Variants in TIAM1 observed in about 807,000 individuals in gnomAD.
TIAM1 encodes the protein rho guanine nucleotide exchange factor TIAM1.
A neutral mutation model predicts 163.5 loss-of-function variants in TIAM1; 65 were observed. The ratio of observed to expected loss-of-function variants is 0.40; its 90% CI spans 0.33 to 0.49. The LOEUF (loss-of-function observed/expected upper bound fraction) is 0.49. TIAM1 is among the 20% of genes least tolerant of loss of function. The pLI is 0.77. For synonymous variants in TIAM1, 833 were observed against 810.1 expected, an observed-to-expected ratio of 1.03 and a Z score of -0.48; for missense variants, 1,789 against 2,044.7, an observed-to-expected ratio of 0.87 and a Z score of 2.41.
In TIAM1 at chr21:31,351,355, T is replaced by A. The variant is rs544638149; in HGVS notation, c.-368-11933A>T. Among the ~76,000 whole-genome samples the A allele has an allele frequency of 3.9e-5, 6 of 152,310 alleles. No homozygotes were observed. In the East Asian group the frequency reaches 9.6e-4, roughly 24 times the overall value. On this transcript the variant is annotated intron_variant, in intron 2 of 28. Coordinates refer to the TIAM1 transcript ENST00000286827. ...CTTGCTGTATGTTCCACTCAATTAT[T>A]ACCTCCTTTAAAAAATATGTCCATA...
chr21:31,518,598 T>G (rs1281261068), intron 1 of TIAM1, among the ~76,000 whole-genome samples: 22 of 152,078 alleles, frequency 1.4e-4, no homozygotes, highest in Admixed American at 1.4e-3. Context: ...TAAATGAGTG[T>G]TTTTTAAGCT....
chr21:31,197,048 G>A (rs1184618197), intron 12 of TIAM1, among the ~76,000 whole-genome samples: 1 of 152,116 alleles, frequency 6.6e-6, no homozygotes, highest in Non-Finnish European at 1.5e-5. Flanking sequence ...AGTACTCATG[G>A]ACATAAAAAT....
At chr21:31,199,294 G>GCCCA (rs2086058961) in intron 12 of TIAM1, among the ~76,000 whole-genome samples, 1 of 152,048 alleles carries the variant, frequency 6.6e-6, no homozygotes, top group African/African-American at 2.4e-5. Flanking sequence ...TGCCCTATGG[G>GCCCA]CCCACTCATC....
intron 2 of TIAM1, among the ~76,000 whole-genome samples, chr21:31,354,868 A>G (rs1296693858): frequency 6.6e-6 from 1 of 152,156 alleles, no homozygotes; most frequent in Non-Finnish European, 1.5e-5. Context: ...CCCAGCTGAC[A>G]ATCCTTGCTG....
At chr21:31,281,555 A>C (rs1182674647) in intron 2 of TIAM1, among the ~76,000 whole-genome samples, 1 of 152,220 alleles carries the variant, frequency 6.6e-6, no homozygotes, top group East Asian at 1.9e-4. Context: ...TCAAAATCCT[A>C]AACATGTATT....
rs544667291 is a variant in TIAM1, at chr21:31,223,339, G to T, written c.1995+67C>A. On this transcript the variant is annotated intron_variant, in intron 8 of 27. Coordinates refer to ENST00000541036, the MANE Select transcript of TIAM1 (RefSeq NM_001353694.2). ...CTCGAAAAACACTTAGGAGACTCTT[G>T]TCAAGTCCTGCTCAGGATTAAGCGT... is the stretch of plus-strand genomic sequence containing the variant. The T allele has an allele frequency of 2.9e-5, 44 of 1,496,066 alleles. 1 individual carries two copies. In the South Asian group the frequency reaches 5.7e-4, roughly 19 times the overall value. The allele number at this position is 1,496,066 out of a possible 1,614,324, so 92.7% of individuals were successfully genotyped here. A position where few individuals can be genotyped will look rare whatever the true frequency, so the allele number is the denominator to read the frequency against.
In TIAM1 at chr21:31,252,009, C is replaced by T. The variant is rs759037691; in HGVS notation, c.1144G>A (p.Gly382Arg). 2.5e-6 allele frequency: 4 copies of T among 1,614,020 alleles called. No individual in the cohort carries two copies. Among genetic ancestry groups the T allele is most frequent in the Non-Finnish European group, 2.5e-6 (3 of 1,179,968 alleles). Reference protein sequence around the residue: ...SSSTGDAARQGVYENFRRELE... With the variant: ...SSSTGDAARQRVYENFRRELE... Reference sequence around the variant, plus strand: ...TCCCGCCGGAAGTTCTCGTACACCCCCTGACGAGCCGCATCCCCGGTGGAG... The same window carrying T: ...TCCCGCCGGAAGTTCTCGTACACCCTCTGACGAGCCGCATCCCCGGTGGAG... The change falls in exon 5 of 28, where the codon GGG becomes AGG. Residue 382 changes from glycine to arginine, a missense_variant. By Grantham distance (125) the Gly-to-Arg change is moderately radical. This residue lies in a region of TIAM1 where 555 missense variants were observed against 564.9 expected (regional missense o/e 0.98). Transcript: ENST00000541036.
At chr21:31,403,622 C>A (rs2077201669) in intron 2 of TIAM1, among the ~76,000 whole-genome samples, 1 of 152,064 alleles carries the variant, frequency 6.6e-6, no homozygotes. Context: ...AAATAATCTA[C>A]CATGGATTCA....
chr21:31,533,740 T>C (rs968411458), intron 1 of TIAM1, among the ~76,000 whole-genome samples: 3 of 152,050 alleles, frequency 2.0e-5, no homozygotes, highest in African/African-American at 7.2e-5. Flanking sequence ...TCTAAAAAAA[T>C]AAAATAAAAA....
chr21:31,495,696 G>A (rs1041544347), intron 1 of TIAM1, among the ~76,000 whole-genome samples: 8 of 152,228 alleles, frequency 5.3e-5, no homozygotes, highest in South Asian at 4.1e-4. Context: ...GAGGCCAGGC[G>A]CAGTGGCTCA....
rs944835774 is a variant in TIAM1 at position 31,296,105 on chromosome 21, G to A, written c.-188-19197C>T. 1.5e-4 allele frequency among the ~76,000 whole-genome samples: 23 copies of A among 152,068 alleles called. 1 individual carries two copies. Among genetic ancestry groups the A allele is most frequent in the East Asian group, 5.8e-4 (3 of 5,172 alleles). On this transcript the variant is annotated intron_variant, in intron 2 of 27. Transcript: ENST00000541036. ...TGAGCCACCGCACCCGGCCAACTCC[G>A]AATTTTTAACCTGGATTTGATGATT...
chr21:31,183,656 C>T (rs188184605), intron 14 of TIAM1, among the ~76,000 whole-genome samples: 36 of 152,218 alleles, frequency 2.4e-4, no homozygotes, highest in African/African-American at 8.7e-4. Context: ...AGTCACATGC[C>T]CTGGACATCC....
intron 1 of TIAM1, among the ~76,000 whole-genome samples, chr21:31,464,809 C>G (rs574134952): frequency 4.1e-4 from 59 of 144,316 alleles, no homozygotes; most frequent in South Asian, 6.7e-4. Flanking sequence ...AGTCACTGCA[C>G]TCCAGCCTGG....
At chr21:31,526,103 C>T (rs1329984129) in intron 1 of TIAM1, among the ~76,000 whole-genome samples, 3 of 151,970 alleles carry the variant, frequency 2.0e-5, no homozygotes, top group Non-Finnish European at 4.4e-5. Context: ...GTCTGCAGTT[C>T]TCCCTGTCTG....
At position 31,551,416 on chromosome 21, in the gene TIAM1, GAAA is replaced by G. The variant is rs201657099; in HGVS notation, c.-422+7508_-422+7510del. On this transcript the variant is annotated intron_variant, in intron 1 of 28. Coordinates refer to the TIAM1 transcript ENST00000286827. ...CAGAGCGAGGCTCTGTCTCAAAAAA[GAAA>G]AAAAGAAAAGAAAAAGAAAGAAAGA... 9.1e-3 allele frequency among the ~76,000 whole-genome samples: 1,356 copies of G among 148,960 alleles called. 23 individuals are homozygous for G. Among genetic ancestry groups the G allele is most frequent in the African/African-American group, 0.032 (1,293 of 40,688 alleles).
intron 2 of TIAM1, among the ~76,000 whole-genome samples, chr21:31,384,445 C>T (rs1330957425): frequency 6.6e-6 from 1 of 151,000 alleles, no homozygotes; most frequent in East Asian, 1.9e-4. Flanking sequence ...CATGGTGGCA[C>T]GCATTAGTAG....
intron 13 of TIAM1, 146 bp downstream of exon 13, chr21:31,195,078 A>C: frequency 1.9e-6 from 1 of 539,124 alleles, no homozygotes; most frequent in East Asian, 2.9e-5. Flanking sequence ...GTTATTCCCT[A>C]GTGTGGCTGC....
chr21:31,226,064 C>T (rs1207276722), intron 6 of TIAM1, 114 bp from the exon 7 acceptor site: 6 of 842,130 alleles, frequency 7.1e-6, no homozygotes, highest in Non-Finnish European at 1.1e-5. Flanking sequence ...CAGGTCTAGA[C>T]ACCCATGGAT....
chr21:31,354,876 C>T (rs2076290105), intron 2 of TIAM1, among the ~76,000 whole-genome samples: 1 of 152,196 alleles, frequency 6.6e-6, no homozygotes, highest in Admixed American at 6.5e-5. Flanking sequence ...ACAATCCTTG[C>T]TGTGGGCTGG....
Sources: allele counts gnomAD v4.1 joint callset (sites outside exome capture counted in the v4.1 genomes callset), GRCh38; gene constraint gnomAD v4.1.1; regional missense constraint gnomAD v4.1.1; transcripts MANE v1.5; gene names NCBI Gene and HGNC (gene_info 2026-07-23, HGNC 2026-07-21).